Variants in FAM53A observed in about 807,000 individuals in gnomAD.
FAM53A encodes protein FAM53A.
A neutral mutation model predicts 26.6 loss-of-function variants in FAM53A; 28 were observed. That is an observed-to-expected ratio of 1.05 (90% CI 0.78 to 1.45). The LOEUF is 1.45. Ranked by LOEUF, FAM53A falls within the 40% of genes most tolerant of loss-of-function variation. FAM53A has a pLI of 0.00. For missense variants in FAM53A, 650 were observed against 575.8 expected (o/e 1.13, Z -1.32); for synonymous variants, 290 against 253.1 (o/e 1.15, Z -1.38).
chr4:1,599,622 C>A, the FAM53A span, among the ~76,000 whole-genome samples: 2 of 152,192 alleles, frequency 1.3e-5, no homozygotes, highest in Non-Finnish European at 2.9e-5. This position sits in a 1 kb window ranked among gnomAD's most constrained non-coding sequence, Gnocchi z 6.1. Flanking sequence ...CCTCCCCTAC[C>A]TCTGCAAGAG....
downstream of FAM53A, among the ~76,000 whole-genome samples, chr4:1,635,219 A>C (rs1378868138): frequency 6.6e-6 from 1 of 152,214 alleles, no homozygotes; most frequent in African/African-American, 2.4e-5. Flanking sequence ...CTCACAAAGA[A>C]AACCTTGTGG....
intron 1 of FAM53A, among the ~76,000 whole-genome samples, chr4:1,675,258 G>A (rs1336698779): frequency 2.0e-5 from 3 of 152,160 alleles, no homozygotes; most frequent in African/African-American, 7.2e-5. Context: ...ACCAACAGGT[G>A]AGGAGTGGGA....
intron 1 of FAM53A, among the ~76,000 whole-genome samples, chr4:1,623,121 T>A (rs1715122119): frequency 6.6e-6 from 1 of 152,166 alleles, no homozygotes; most frequent in East Asian, 1.9e-4. Context: ...TCCCCCACGC[T>A]GAGCAGCAGA....
At chr4:1,671,921 G>A (rs936664384) in intron 1 of FAM53A, among the ~76,000 whole-genome samples, 1 of 152,220 alleles carries the variant, frequency 6.6e-6, no homozygotes, top group Non-Finnish European at 1.5e-5. Context: ...TTCAGGGCTG[G>A]GGCAGGGAAA....
intron 2 of FAM53A, among the ~76,000 whole-genome samples, chr4:1,667,482 A>G (rs900886440): frequency 2.6e-5 from 4 of 152,130 alleles, no homozygotes; most frequent in Non-Finnish European, 4.4e-5. Context: ...CGGTCACCTC[A>G]GTCACAGCGG....
the FAM53A span, among the ~76,000 whole-genome samples, chr4:1,588,098 G>A: frequency 6.6e-6 from 1 of 152,180 alleles, no homozygotes; most frequent in Admixed American, 6.5e-5. Flanking sequence ...TCAGCCATCG[G>A]CGGCTGTGAT....
the FAM53A span, among the ~76,000 whole-genome samples, chr4:1,610,418 G>A: frequency 2.6e-5 from 4 of 152,174 alleles, no homozygotes; most frequent in Admixed American, 2.0e-4. Context: ...GCAGGCTCTC[G>A]GATGCCCAGG....
intron 1 of FAM53A, among the ~76,000 whole-genome samples, chr4:1,620,682 A>G (rs1307931741): frequency 1.4e-5 from 2 of 147,202 alleles, no homozygotes; most frequent in Non-Finnish European, 3.0e-5. Context: ...AAAAAAAGAA[A>G]AAGAAAGAAA....
chr4:1,677,725 G>A (rs1715138937), intron 1 of FAM53A, among the ~76,000 whole-genome samples: 2 of 152,034 alleles, frequency 1.3e-5, no homozygotes, highest in African/African-American at 2.4e-5. Context: ...CCCTTCAGAT[G>A]GCAAGAGAAC....
intron 1 of FAM53A, among the ~76,000 whole-genome samples, chr4:1,629,349 G>A (rs1393109120): frequency 2.0e-5 from 3 of 152,206 alleles, no homozygotes; most frequent in Admixed American, 6.5e-5. Context: ...GAAGCCTCAG[G>A]CCAGGCCAGA....
chr4:1,583,697 G>A, the FAM53A span, among the ~76,000 whole-genome samples: 325 of 152,332 alleles, frequency 2.1e-3, 6 homozygotes, highest in Middle Eastern at 0.044. Context: ...CCTCCTCCCG[G>A]GGCTTGTGCG....
At chr4:1,638,267 G>C (rs953210678), downstream of FAM53A, among the ~76,000 whole-genome samples, 1 of 152,092 alleles carries the variant, frequency 6.6e-6, no homozygotes, top group African/African-American at 2.4e-5. Context: ...CAAGCCCCAG[G>C]GGCCGGGCTG....
At chr4:1,685,616 C>T (rs1715769986), upstream of FAM53A, among the ~76,000 whole-genome samples, 1 of 152,076 alleles carries the variant, frequency 6.6e-6, no homozygotes. Flanking sequence ...CGAAGCCAGG[C>T]CAGCTGACAC....
chr4:1,601,890 C>A, the FAM53A span, among the ~76,000 whole-genome samples: 1 of 39,360 alleles, frequency 2.5e-5, no homozygotes, highest in East Asian at 3.6e-4. Flanking sequence ...GGGGGATGGG[C>A]GGCCAGTCCA....
the FAM53A span, among the ~76,000 whole-genome samples, chr4:1,589,676 T>G: frequency 1.3e-5 from 2 of 152,206 alleles, no homozygotes; most frequent in African/African-American, 4.8e-5. Flanking sequence ...TTTACAGAAA[T>G]GTATTCGTTT....
intron 1 of FAM53A, among the ~76,000 whole-genome samples, chr4:1,626,912 A>G (rs1372473345): frequency 6.6e-6 from 1 of 152,084 alleles, no homozygotes; most frequent in East Asian, 1.9e-4. Flanking sequence ...GGGAGGGGCC[A>G]GCCCTCCCCC....
intron 1 of FAM53A, among the ~76,000 whole-genome samples, chr4:1,674,746 G>A (rs941795809): frequency 1.3e-5 from 2 of 152,148 alleles, no homozygotes; most frequent in Admixed American, 6.5e-5. Flanking sequence ...TATTAGGGGT[G>A]CAGACTTGAA....
intron 2 of FAM53A, among the ~76,000 whole-genome samples, chr4:1,662,806 G>A (rs1459694604): frequency 2.0e-5 from 3 of 152,072 alleles, no homozygotes; most frequent in Non-Finnish European, 4.4e-5. Flanking sequence ...CTAACCATAG[G>A]GAAATGAAAA....
chr4:1,602,345 A>T, the FAM53A span, among the ~76,000 whole-genome samples: 1 of 152,214 alleles, frequency 6.6e-6, no homozygotes. Context: ...ACACAGGCAG[A>T]GGTGCCGGTC....
Sources: gnomAD v4.1 joint callset for allele counts (sites outside exome capture counted in the v4.1 genomes callset) on GRCh38, gnomAD v4.1.1 for gene constraint, Gnocchi (gnomAD v3.1) non-coding constraint, MANE v1.5 for transcripts, NCBI Gene and HGNC (gene_info 2026-07-23, HGNC 2026-07-21) for gene names.